DPH5: variants seen among roughly 807,000 people sequenced by gnomAD.
DPH5 encodes diphthamide biosynthesis 5.
DPH5 carries 31 observed loss-of-function variants against 31.6 expected under a neutral mutation model. The observed-to-expected ratio is 0.98, with a 90% CI of 0.74 to 1.32. The LOEUF is 1.32. Ranked by LOEUF, DPH5 falls within the 40% of genes most tolerant of loss-of-function variation. DPH5 has a pLI of 0.00. For synonymous variants in DPH5, 120 were observed against 115.0 expected (o/e 1.04, Z -0.28); for missense variants, 309 against 335.7 (o/e 0.92, Z 0.62).
chr1:101,025,627 T>A, intron 1 of DPH5, 56 bp downstream of exon 1: 1 of 678,992 alleles, frequency 1.5e-6, no homozygotes, highest in Non-Finnish European at 2.4e-6. Flanking sequence ...TAAGAGGTTT[T>A]AAACAACCCT....
At chr1:101,021,207 A>C (rs1660410910) in intron 3 of DPH5, among the ~76,000 whole-genome samples, 1 of 152,224 alleles carries the variant, frequency 6.6e-6, no homozygotes, top group Admixed American at 6.5e-5. Flanking sequence ...AAGTGACGGC[A>C]GTATTGCCAA....
At chr1:101,002,915 C>G (rs900923082) in intron 4 of DPH5, among the ~76,000 whole-genome samples, 2 of 152,104 alleles carry the variant, frequency 1.3e-5, no homozygotes, top group Non-Finnish European at 2.9e-5. Flanking sequence ...AGCAGCTCAA[C>G]GTTTCTCAGT....
chr1:100,992,638 T>C lies in DPH5; in HGVS notation c.633A>G (p.Pro211=). Reference sequence around the variant, plus strand: ...GAGCCCTTCTAGTGTCTTGAGTACCTGGTTCTTCTCCTCGTATTCTTTGAT... The same window carrying C: ...GAGCCCTTCTAGTGTCTTGAGTACCCGGTTCTTCTCCTCGTATTCTTTGAT... ...VQNQRIRGEE[P]AVTEETLCVG... The change falls in exon 7 of 8, where the codon CCA becomes CCG. Residue 211 remains proline (P), a splice_region_variant and synonymous_variant. Transcript: ENST00000370109. The C allele has an allele frequency of 6.2e-7, 1 of 1,613,156 alleles. No homozygotes were observed. The highest frequency in any genetic ancestry group is 8.5e-7 in the Non-Finnish European group (1 of 1,179,150).
At chr1:101,019,720 G>A (rs761236937) in intron 3 of DPH5, among the ~76,000 whole-genome samples, 4 of 151,430 alleles carry the variant, frequency 2.6e-5, no homozygotes, top group East Asian at 3.9e-4. Flanking sequence ...ATAATCTGCC[G>A]GTAAATAAAA....
chr1:101,025,392 T>TGA lies in DPH5; in HGVS notation c.50_51dup (p.Lys18SerfsTer22). 1 of 1,614,198 alleles carries TGA rather than the reference T, an allele frequency of 6.2e-7. No individual in the cohort carries two copies. The highest frequency in any genetic ancestry group is 1.7e-5 in the Admixed American group (1 of 60,022). On this transcript the variant is annotated frameshift_variant, in exon 2 of 8. Coordinates refer to ENST00000370109, the MANE Select transcript of DPH5 (RefSeq NM_015958.3). LOFTEE classifies it high-confidence loss of function. ...CAGCGTCTAACAACTTCCAGGCCCT[T>TGA]GACTGTGATGTCCTTGGCATCTCCC...
At chr1:100,998,175 C>T (rs1008620171) in intron 5 of DPH5, among the ~76,000 whole-genome samples, 6 of 152,026 alleles carry the variant, frequency 3.9e-5, no homozygotes, top group African/African-American at 7.3e-5. Context: ...GTTAGAGAAG[C>T]GTTTATGGCC....
intron 3 of DPH5, among the ~76,000 whole-genome samples, chr1:101,020,505 C>T (rs11588410): frequency 0.11 from 17,236 of 151,756 alleles, 1,034 homozygotes; most frequent in Middle Eastern, 0.2. Context: ...TCCCACTCTT[C>T]TCTCCTAAGC....
At position 100,990,382 on chromosome 1, in the gene DPH5, C is replaced by T. The variant is rs1203403108; in HGVS notation, c.*26G>A. On this transcript the variant is annotated 3_prime_UTR_variant, in exon 8 of 8. Transcript: ENST00000370109. ...TCAATCCATATATGGCTGAAATTTA[C>T]ATCAGACAATGGTAAATATCTATGT... The T allele has an allele frequency of 6.2e-7, 1 of 1,605,678 alleles. No individual in the cohort carries two copies. Among genetic ancestry groups the T allele is most frequent in the East Asian group, 2.2e-5 (1 of 44,854 alleles).
intron 4 of DPH5, among the ~76,000 whole-genome samples, chr1:101,013,112 A>G (rs1190742171): frequency 6.6e-6 from 1 of 152,220 alleles, no homozygotes; most frequent in Non-Finnish European, 1.5e-5. Context: ...TCCATGTGTG[A>G]ACATCAGAAT....
At chr1:101,016,608 G>C (rs112894426) in intron 3 of DPH5, among the ~76,000 whole-genome samples, 6 of 151,810 alleles carry the variant, frequency 4.0e-5, no homozygotes, top group African/African-American at 1.2e-4. Context: ...ACCACGCCCA[G>C]CTAATTTTTG....
chr1:101,017,264 A>T (rs1483097699), intron 3 of DPH5, among the ~76,000 whole-genome samples: 1 of 152,214 alleles, frequency 6.6e-6, no homozygotes, highest in Admixed American at 6.5e-5. Flanking sequence ...CCTGTACATA[A>T]ATTTTCACAG....
At chr1:100,999,979 C>T (rs1658726597) in intron 5 of DPH5, among the ~76,000 whole-genome samples, 1 of 151,602 alleles carries the variant, frequency 6.6e-6, no homozygotes. Flanking sequence ...CCCATCTCTA[C>T]TAAAAAAAAT....
chr1:100,995,160 TA>T lies in DPH5; in HGVS notation c.491-12del. On this transcript the variant is annotated splice_polypyrimidine_tract_variant and intron_variant, in intron 5 of 7. Coordinates refer to ENST00000370109, the MANE Select transcript of DPH5 (RefSeq NM_015958.3). ...CCTTTACTTTGATGTCTGTAGGAAG[TA>T]AAAATAGTTCTTTTAATTTAATTAA... 1 of 1,548,504 alleles carries T rather than the reference TA, an allele frequency of 6.5e-7. No homozygotes were observed.
chr1:101,008,614 C>T (rs989877784), intron 4 of DPH5, among the ~76,000 whole-genome samples: 3 of 152,212 alleles, frequency 2.0e-5, no homozygotes, highest in Admixed American at 2.0e-4. Context: ...ACTCCCTAGA[C>T]AGCCAAGGTT....
chr1:101,025,735 A>C lies in DPH5; in HGVS notation c.-76T>G. The C allele has an allele frequency of 3.0e-6, 1 of 338,046 alleles. No individual in the cohort carries two copies. The highest frequency in any genetic ancestry group is 4.6e-5 in the Admixed American group (1 of 21,804). 20.9% of individuals were successfully genotyped at this position (338,046 alleles called of 1,614,324 possible). A position where few individuals can be genotyped will look rare whatever the true frequency, so the allele number is the denominator to read the frequency against. ...TGGCCTTTACAAATTCTTAACTACC[A>C]CCTTTCCGCAGAAGCAACTGCAAAA... On this transcript the variant is annotated 5_prime_UTR_variant, in exon 1 of 8. Coordinates refer to ENST00000370109, the MANE Select transcript of DPH5 (RefSeq NM_015958.3).
intron 5 of DPH5, among the ~76,000 whole-genome samples, chr1:100,999,251 A>C (rs1262845060): frequency 6.6e-6 from 1 of 151,412 alleles, no homozygotes; most frequent in East Asian, 2.0e-4. Flanking sequence ...GAAATTCGAG[A>C]CCAGCCTGGG....
Position 100,990,205 on chromosome 1 carries a change from C to T in DPH5, c.*203G>A. On this transcript the variant is annotated 3_prime_UTR_variant, in exon 8 of 8. Coordinates refer to ENST00000370109, the MANE Select transcript of DPH5 (RefSeq NM_015958.3). ...GAGCCAGTAGGGGAAATGCCAGGCA[C>T]TTATAAAACCATCAGATCTCATGAA... 1 of 573,604 alleles carries T rather than the reference C, an allele frequency of 1.7e-6. No individual in the cohort carries two copies. Among genetic ancestry groups the T allele is most frequent in the Non-Finnish European group, 3.1e-6 (1 of 324,110 alleles). The allele number at this position is 573,604 out of a possible 1,614,324, so 35.5% of individuals were successfully genotyped here. A position where few individuals can be genotyped will look rare whatever the true frequency, so the allele number is the denominator to read the frequency against.
At chr1:100,994,669 G>A (rs1024876526) in intron 6 of DPH5, among the ~76,000 whole-genome samples, 1 of 152,012 alleles carries the variant, frequency 6.6e-6, no homozygotes, top group Admixed American at 6.6e-5. Flanking sequence ...TGAGATTAAA[G>A]GCACGTGCCA....
At chr1:101,024,190 C>A (rs551857805) in intron 2 of DPH5, among the ~76,000 whole-genome samples, 1 of 152,286 alleles carries the variant, frequency 6.6e-6, no homozygotes, top group East Asian at 1.9e-4. Context: ...GGGCAGATCA[C>A]TAGAGTCCAG....
Sources: allele counts gnomAD v4.1 joint callset (sites outside exome capture counted in the v4.1 genomes callset), GRCh38; gene constraint gnomAD v4.1.1; transcripts MANE v1.5; gene names NCBI Gene and HGNC (gene_info 2026-07-23, HGNC 2026-07-21).